Variants in MAP2 observed in about 807,000 individuals in gnomAD.
MAP2 encodes the protein microtubule associated protein 2, also known as microtubule-associated protein 2.
Under a neutral mutation model 137.6 loss-of-function variants are expected in MAP2, and 14 were observed. The ratio of observed to expected loss-of-function variants is 0.10; its 90% CI spans 0.07 to 0.16. The LOEUF (loss-of-function observed/expected upper bound fraction) is 0.16, where lower values mean the gene tolerates loss of function less well. MAP2 is among the 10% of genes least tolerant of loss of function. MAP2 has a pLI of 1.00. For missense variants in MAP2, 2,088 were observed against 2,191.5 expected (o/e 0.95, Z 0.94); for synonymous variants, 786 against 782.3 (o/e 1.00, Z -0.08).
chr2:209,513,557 C>T (rs557460896), intron 2 of MAP2, among the ~76,000 whole-genome samples: 164 of 105,766 alleles, frequency 1.6e-3, no homozygotes, highest in Non-Finnish European at 3.0e-3. Flanking sequence ...CATATATGTG[C>T]GTATATGTGT....
chr2:209,443,789 G>C (rs746533173), intron 1 of MAP2, among the ~76,000 whole-genome samples: 7 of 151,496 alleles, frequency 4.6e-5, no homozygotes, highest in Non-Finnish European at 1.0e-4. Flanking sequence ...AAAACATGAA[G>C]ACTCAACATT....
chr2:209,558,235 C>T (rs2071137130), intron 2 of MAP2, among the ~76,000 whole-genome samples: 1 of 152,180 alleles, frequency 6.6e-6, no homozygotes, highest in Non-Finnish European at 1.5e-5. Flanking sequence ...GTCACCCAGG[C>T]TGGAGTGCAG....
rs760587142 is a variant in MAP2, at chr2:209,693,997, G to C, written c.1827G>C (p.Met609Ile). ...GTGTCCATGAGTCTATTGATACCATGTCTCCCATGCATAAAAATGGTGACA... is the reference window on the plus strand; with the variant it reads ...GTGTCCATGAGTCTATTGATACCATCTCTCCCATGCATAAAAATGGTGACA... The part of the protein sequence containing the change: ...RESVHESIDT[M>I]SPMHKNGDKE... The change falls in exon 8 of 16, where the codon ATG becomes ATC. Residue 609 changes from methionine (M) to isoleucine (I), a missense_variant. Coordinates refer to ENST00000682079, the MANE Select transcript of MAP2 (RefSeq NM_001375505.1). 6.2e-7 allele frequency: 1 copy of C among 1,614,038 alleles called. No homozygotes were observed. The highest frequency in any genetic ancestry group is 8.5e-7 in the Non-Finnish European group (1 of 1,180,004).
chr2:209,696,118 G>C lies in MAP2; in HGVS notation c.3948G>C (p.Gln1316His). Residue 1316 changes from glutamine (Q) to histidine (H), a missense_variant, in exon 8 of 16, where the codon CAG becomes CAC. By Grantham distance (24) the Gln-to-His change is conservative. Around this residue, in one of 6 missense-constraint regions of MAP2, gnomAD observed 591 missense variants for 642.6 expected, o/e 0.92. Transcript: ENST00000682079. ...SHSVRFAALE[Q>H]PEVERRPSPH... is the part of the protein sequence containing the mutation. ...GCGTGCGTTTTGCAGCCCTAGAGCA[G>C]CCTGAGGTGGAAAGGAGACCATCTC... 1 of 1,613,566 alleles carries C rather than the reference G, an allele frequency of 6.2e-7. No individual in the cohort carries two copies. The highest frequency in any genetic ancestry group is 1.1e-5 in the South Asian group (1 of 90,966).
intron 3 of MAP2, among the ~76,000 whole-genome samples, chr2:209,613,844 C>A (rs762299496): frequency 1.3e-5 from 2 of 152,096 alleles, no homozygotes; most frequent in African/African-American, 2.4e-5. Flanking sequence ...TAGTCCCAGA[C>A]GAGCCCAGGG....
At chr2:209,589,404 A>G (rs1333105271) in intron 3 of MAP2, among the ~76,000 whole-genome samples, 1 of 152,182 alleles carries the variant, frequency 6.6e-6, no homozygotes, top group East Asian at 1.9e-4. Flanking sequence ...TTTACTTCCT[A>G]CTACTATGAA....
At chr2:209,707,567 T>C (rs373977123) in intron 12 of MAP2, among the ~76,000 whole-genome samples, 2 of 150,636 alleles carry the variant, frequency 1.3e-5, no homozygotes, top group East Asian at 2.0e-4. Flanking sequence ...CATTGAGGAG[T>C]TGACAAGATA....
Position 209,700,334 on chromosome 2 carries a change from T to C in MAP2, c.4580T>C (p.Val1527Ala), listed in dbSNP as rs377593461. The change falls in exon 11 of 16, where the codon GTC becomes GCC. Residue 1527 changes from valine to alanine, a missense_variant. Val to Ala is a moderately conservative substitution (Grantham distance 64). Transcript: ENST00000682079. ...PSVFKQAKDK[V>A]SDGVTKSPEK... ...GTATTTAAACAGGCAAAGGACAAAG[T>C]CTCTGTGAGTAAAATAAGTTTTTCC... 6.2e-7 allele frequency: 1 copy of C among 1,611,496 alleles called. No individual in the cohort carries two copies. Among genetic ancestry groups the C allele is most frequent in the Non-Finnish European group, 8.5e-7 (1 of 1,178,356 alleles).
intron 5 of MAP2, among the ~76,000 whole-genome samples, chr2:209,672,161 A>C (rs1332250415): frequency 6.6e-6 from 1 of 151,886 alleles, no homozygotes; most frequent in Non-Finnish European, 1.5e-5. Context: ...TGATGGCTAC[A>C]AATGCTGAGT....
intron 3 of MAP2, among the ~76,000 whole-genome samples, chr2:209,615,922 A>G (rs1473957661): frequency 3.9e-5 from 6 of 152,172 alleles, no homozygotes; most frequent in Non-Finnish European, 5.9e-5. Flanking sequence ...CAAACCAATC[A>G]GCACACACTC....
chr2:209,605,532 A>G (rs1458906441), intron 3 of MAP2, among the ~76,000 whole-genome samples: 2 of 152,144 alleles, frequency 1.3e-5, no homozygotes, highest in African/African-American at 4.8e-5. Flanking sequence ...CAAAGGAATG[A>G]ATTGAGTTTG....
At chr2:209,573,513 C>T (rs902433496) in intron 2 of MAP2, among the ~76,000 whole-genome samples, 2 of 151,900 alleles carry the variant, frequency 1.3e-5, no homozygotes, top group East Asian at 1.9e-4. Flanking sequence ...AGGCTGGTTT[C>T]GAACTCCTGA....
intron 7 of MAP2, among the ~76,000 whole-genome samples, chr2:209,683,284 G>A (rs985466407): frequency 6.6e-5 from 10 of 152,102 alleles, no homozygotes; most frequent in African/African-American, 2.4e-4. Context: ...ACCTCTTATT[G>A]AAAGTAATTC....
At chr2:209,718,520 A>G (rs1337593493) in intron 13 of MAP2, among the ~76,000 whole-genome samples, 2 of 152,260 alleles carry the variant, frequency 1.3e-5, no homozygotes, top group East Asian at 3.9e-4. Flanking sequence ...ATTTACAAAT[A>G]CGTAAAAATG....
chr2:209,697,118 C>T (rs2060369489), intron 10 of MAP2, 67 bp downstream of exon 10: 19 of 1,413,362 alleles, frequency 1.3e-5, no homozygotes, highest in Non-Finnish European at 1.7e-5. Flanking sequence ...AATCTCATTA[C>T]TGTAGCAGCT....
intron 2 of MAP2, among the ~76,000 whole-genome samples, chr2:209,517,351 G>A (rs1563124): frequency 0.23 from 34,222 of 151,988 alleles, 5,192 homozygotes; most frequent in African/African-American, 0.43. Context: ...AATATAAAGA[G>A]GATGCAAACA....
intron 1 of MAP2, among the ~76,000 whole-genome samples, chr2:209,441,783 G>A (rs542332334): frequency 4.3e-4 from 65 of 151,654 alleles, no homozygotes; most frequent in African/African-American, 1.5e-3. Context: ...CGAGGAACAG[G>A]CCTTCAGTTC....
intron 1 of MAP2, among the ~76,000 whole-genome samples, chr2:209,488,046 C>T (rs2058606931): frequency 6.6e-6 from 1 of 152,150 alleles, no homozygotes; most frequent in South Asian, 2.1e-4. Flanking sequence ...TCAGAGAGAC[C>T]AGCGCAGAAG....
At chr2:209,648,621 CAAA>C (rs1228232293) in intron 4 of MAP2, among the ~76,000 whole-genome samples, 817 of 51,014 alleles carry the variant, frequency 0.016, 8 homozygotes, top group African/African-American at 0.042. Context: ...ACTAAAAATA[CAAA>C]AAAAAAAAAA....
Sources: gnomAD v4.1 joint callset for allele counts (sites outside exome capture counted in the v4.1 genomes callset) on GRCh38, gnomAD v4.1.1 for gene constraint, gnomAD v4.1.1 regional missense constraint, MANE v1.5 for transcripts, NCBI Gene and HGNC (gene_info 2026-07-23, HGNC 2026-07-21) for gene names.